The following CKAP2L variants were observed in gnomAD, a reference collection of about 807,000 sequenced individuals.
CKAP2L encodes cytoskeleton associated protein 2L, also known as cytoskeleton-associated protein 2-like.
Under a neutral mutation model 65.7 loss-of-function variants are expected in CKAP2L, and 42 were observed. That is an observed-to-expected ratio of 0.64 (90% CI 0.50 to 0.83). CKAP2L has a LOEUF of 0.83. Ranked by LOEUF, CKAP2L falls within the 40% of genes least tolerant of loss-of-function variation. CKAP2L has a pLI of 0.00. For synonymous variants in CKAP2L, 325 were observed against 313.5 expected, an observed-to-expected ratio of 1.04 and a Z score of -0.39; for missense variants, 908 against 871.0, an observed-to-expected ratio of 1.04 and a Z score of -0.53.
Position 112,764,503 on chromosome 2 carries a change from C to T in CKAP2L, c.37+59G>A, listed in dbSNP as rs1680839673. ...GCGGGACGAACTCACTCGGTGGCCT[C>T]CTACTTCCCCGGCCGTGTTCCAACG... On this transcript the variant is annotated intron_variant, in intron 1 of 8. Transcript: ENST00000302450. 4 of 1,586,508 alleles carry T rather than the reference C, an allele frequency of 2.5e-6. No individual in the cohort carries two copies. The East Asian group carries it at 6.7e-5, about 27-fold the overall frequency.
intron 1 of CKAP2L, chr2:112,763,638 A>T (rs982853341): frequency 1.3e-5 from 2 of 152,192 alleles, no homozygotes; most frequent in African/African-American, 4.8e-5. Flanking sequence ...GGTGGCTAGA[A>T]AAGGTTAAAA....
chr2:112,755,397 C>T (rs1558761057), intron 4 of CKAP2L, among the ~76,000 whole-genome samples: 1 of 152,156 alleles, frequency 6.6e-6, no homozygotes, highest in Non-Finnish European at 1.5e-5. Flanking sequence ...ACCTCGGCCT[C>T]CCAAAGTGCT....
chr2:112,744,193 T>G (rs1205574396), intron 6 of CKAP2L, among the ~76,000 whole-genome samples: 1 of 152,190 alleles, frequency 6.6e-6, no homozygotes, highest in Admixed American at 6.5e-5. Flanking sequence ...ATTTCTAATC[T>G]CTCTTGAAAA....
chr2:112,761,345 C>T (rs1391922376), intron 2 of CKAP2L, among the ~76,000 whole-genome samples: 1 of 151,294 alleles, frequency 6.6e-6, no homozygotes, highest in Non-Finnish European at 1.5e-5. Flanking sequence ...CCTGTTGTCC[C>T]AGCTACTCGG....
chr2:112,742,860 A>G, intron 6 of CKAP2L, 91 bp from the exon 7 acceptor site: 2 of 815,226 alleles, frequency 2.5e-6, no homozygotes, highest in Non-Finnish European at 4.0e-6. Context: ...ATGTTTTATA[A>G]TAAAAGTTTC....
chr2:112,742,487 T>G lies in CKAP2L; in HGVS notation c.1822+219A>C, dbSNP rs536965975. 4 of 718,304 alleles carry G rather than the reference T, an allele frequency of 5.6e-6. No homozygotes were observed. In the East Asian group the frequency reaches 1.1e-4, roughly 19 times the overall value. 44.5% of individuals were successfully genotyped at this position (718,304 alleles called of 1,614,324 possible). On this transcript the variant is annotated intron_variant, in intron 7 of 8. Transcript: ENST00000302450. ...AGTGGGACACTCCAGTCTAGGCTGTTTTGGTGGAAACAACCTTTGTTCAGT... is the reference window on the plus strand; with the variant it reads ...AGTGGGACACTCCAGTCTAGGCTGTGTTGGTGGAAACAACCTTTGTTCAGT...
In CKAP2L at chr2:112,743,913, C is replaced by T. The variant is rs554401298; in HGVS notation, c.1759-1144G>A. Among the ~76,000 whole-genome samples, 3 of 152,288 alleles carry T rather than the reference C, an allele frequency of 2.0e-5. 1 individual carries two copies. The South Asian group carries it at 6.2e-4, about 32-fold the overall frequency. The stretch of plus-strand genomic sequence containing the variant: ...TGTAAACCATGCCATGAAGCAGAAG[C>T]TGCACTTTCCCACAAGAAAATTATA... On this transcript the variant is annotated intron_variant, in intron 6 of 8. Coordinates refer to ENST00000302450, the MANE Select transcript of CKAP2L (RefSeq NM_152515.5).
At chr2:112,757,247 T>A in intron 3 of CKAP2L, 33 bp from the exon 4 acceptor site, 1 of 1,411,794 alleles carries the variant, frequency 7.1e-7, no homozygotes. Flanking sequence ...TATTAAAAAA[T>A]CCTTAACATA....
chr2:112,758,306 G>A (rs1243664451), intron 3 of CKAP2L, among the ~76,000 whole-genome samples: 3 of 152,182 alleles, frequency 2.0e-5, no homozygotes, highest in Non-Finnish European at 4.4e-5. Context: ...TCTCATGAAA[G>A]CAATTACTCA....
chr2:112,742,717 C>T lies in CKAP2L; in HGVS notation c.1811G>A (p.Arg604Lys), dbSNP rs1165176669. Reference sequence around the variant, plus strand: ...AAAAATAATAGTACCTTCTGTGGTTCTGTTTGAGTCTTGCAAGATATTAAG... The same window carrying T: ...AAAAATAATAGTACCTTCTGTGGTTTTGTTTGAGTCTTGCAAGATATTAAG... ...VVLNILQDSN[R>K]TTEGITSDSL... Residue 604 changes from arginine to lysine, a missense_variant, in exon 7 of 9, where the codon AGA (arginine) becomes AAA (lysine). Coordinates refer to ENST00000302450, the MANE Select transcript of CKAP2L (RefSeq NM_152515.5). 1 of 1,600,698 alleles carries T rather than the reference C, an allele frequency of 6.2e-7. No homozygotes were observed. Among genetic ancestry groups the T allele is most frequent in the African/African-American group, 1.3e-5 (1 of 74,588 alleles).
At position 112,738,716 on chromosome 2, in the gene CKAP2L, T is replaced by C. The variant is rs942087257; in HGVS notation, c.*107A>G. 1.4e-6 allele frequency: 1 copy of C among 713,148 alleles called. No individual in the cohort carries two copies. 44.2% of individuals were successfully genotyped at this position (713,148 alleles called of 1,614,324 possible). On this transcript the variant is annotated 3_prime_UTR_variant, in exon 9 of 9. Coordinates refer to ENST00000302450, the MANE Select transcript of CKAP2L (RefSeq NM_152515.5). ...GAATTACTTAAGTCCTGAGCGTCCA[T>C]AATCTGCATCCATGATGCCTCTCTT...
intron 4 of CKAP2L, among the ~76,000 whole-genome samples, chr2:112,753,755 T>C (rs1225623843): frequency 6.6e-6 from 1 of 152,140 alleles, no homozygotes; most frequent in African/African-American, 2.4e-5. Flanking sequence ...CTCAAACTCC[T>C]GACCTCAAGT....
chr2:112,763,923 T>G (rs1573242586), intron 1 of CKAP2L: 1 of 152,490 alleles, frequency 6.6e-6, no homozygotes, highest in African/African-American at 2.4e-5. Flanking sequence ...GCCTAGGACC[T>G]CGTAGGCATC....
At chr2:112,748,038 A>T (rs1039633660) in intron 5 of CKAP2L, among the ~76,000 whole-genome samples, 7 of 152,258 alleles carry the variant, frequency 4.6e-5, no homozygotes, top group African/African-American at 1.7e-4. Context: ...GAACAGTATG[A>T]AAACAACATT....
intron 5 of CKAP2L, among the ~76,000 whole-genome samples, chr2:112,751,936 T>C (rs1263362181): frequency 2.0e-5 from 3 of 152,236 alleles, no homozygotes; most frequent in Non-Finnish European, 4.4e-5. Flanking sequence ...CTTCAGAACT[T>C]GATACCCAAA....
At chr2:112,740,314 G>C (rs1294681038) in intron 8 of CKAP2L, among the ~76,000 whole-genome samples, 9 of 152,188 alleles carry the variant, frequency 5.9e-5, no homozygotes, top group Admixed American at 6.5e-5. Flanking sequence ...TCCAGATCAT[G>C]ATCAGAGAAG....
chr2:112,743,979 T>C (rs192565970), intron 6 of CKAP2L, among the ~76,000 whole-genome samples: 120 of 152,322 alleles, frequency 7.9e-4, no homozygotes, highest in Non-Finnish European at 7.4e-4. Context: ...CTGTATCAAA[T>C]AGATATAAAC....
chr2:112,751,064 A>G (rs941269626), intron 5 of CKAP2L, among the ~76,000 whole-genome samples: 1 of 149,128 alleles, frequency 6.7e-6, no homozygotes, highest in Non-Finnish European at 1.5e-5. Context: ...CAATGACCCC[A>G]TAACAAATTG....
chr2:112,762,303 G>A (rs1269812992), intron 2 of CKAP2L, among the ~76,000 whole-genome samples, 200 bp downstream of exon 2: 1 of 152,196 alleles, frequency 6.6e-6, no homozygotes, highest in Non-Finnish European at 1.5e-5. Flanking sequence ...CAGTAATAAT[G>A]CATAAAGCTT....
Sources: gnomAD v4.1 joint callset for allele counts (sites outside exome capture counted in the v4.1 genomes callset) on GRCh38, gnomAD v4.1.1 for gene constraint, MANE v1.5 for transcripts, NCBI Gene and HGNC (gene_info 2026-07-23, HGNC 2026-07-21) for gene names.